The following TRHDE variants were observed in gnomAD, a reference collection of about 807,000 sequenced individuals.
TRHDE encodes thyrotropin-releasing hormone-degrading ectoenzyme.
In TRHDE, 72 loss-of-function variants were observed where a neutral mutation model predicts 125.7. The ratio of observed to expected loss-of-function variants is 0.57; its 90% confidence interval spans 0.47 to 0.70. The LOEUF (loss-of-function observed/expected upper bound fraction) is 0.70, where lower values mean the gene tolerates loss of function less well. TRHDE is among the 30% of genes least tolerant of loss of function. The probability of loss-of-function intolerance (pLI) is 0.00; values close to 1 mark genes in which losing one functional copy is unlikely to be tolerated. For synonymous variants in TRHDE, 509 were observed against 509.1 expected, an observed-to-expected ratio of 1.00 and a Z score of 0.00; for missense variants, 1,110 against 1,327.1, an observed-to-expected ratio of 0.84 and a Z score of 2.54.
intron 2 of TRHDE, among the ~76,000 whole-genome samples, chr12:72,261,733 A>G (rs992035815): frequency 2.2e-4 from 33 of 152,286 alleles, no homozygotes; most frequent in Middle Eastern, 3.4e-3. Flanking sequence ...TTCTTTGGGC[A>G]AGAGCTCTAG....
At chr12:72,332,293 C>A (rs1237138999) in intron 2 of TRHDE, among the ~76,000 whole-genome samples, 1 of 152,188 alleles carries the variant, frequency 6.6e-6, no homozygotes, top group Non-Finnish European at 1.5e-5. Context: ...CACCCGCCAC[C>A]ATGCCTGGCT....
intron 3 of TRHDE, among the ~76,000 whole-genome samples, chr12:72,382,122 T>G (rs531415755): frequency 6.6e-6 from 1 of 152,228 alleles, no homozygotes; most frequent in East Asian, 1.9e-4. Flanking sequence ...GTAGTTGATA[T>G]TAAGGGAACC....
At chr12:72,190,244 C>T (rs898263898) in intron 2 of TRHDE, among the ~76,000 whole-genome samples, 7 of 152,170 alleles carry the variant, frequency 4.6e-5, no homozygotes, top group South Asian at 2.1e-4. Flanking sequence ...AGTGTTACCT[C>T]GCCATCAACC....
Position 72,238,381 on chromosome 12 carries a change from AT to A in TRHDE, n.279+132638del, listed in dbSNP as rs71457042. Among the ~76,000 whole-genome samples, 81 of 82,538 alleles carry A rather than the reference AT, an allele frequency of 9.8e-4. 5 individuals carry two copies. Among genetic ancestry groups the A allele is most frequent in the East Asian group, 3.3e-3 (13 of 3,902 alleles). The allele number at this position is 82,538 out of a possible 152,430, so 54.1% of individuals were successfully genotyped here. On this transcript the variant is annotated intron_variant and non_coding_transcript_variant, in intron 2 of 4. Transcript: ENST00000548156. The stretch of plus-strand genomic sequence containing the variant: ...TATATATACACATACATATATATAT[AT>A]TTTTTTTTAACTTTTTTTGATAAAT...
chr12:72,519,140 C>G (rs1051859967), intron 6 of TRHDE, among the ~76,000 whole-genome samples: 6 of 151,986 alleles, frequency 3.9e-5, no homozygotes, highest in Non-Finnish European at 8.8e-5. Context: ...TTGCTCTTCT[C>G]GAGGAGTATC....
At chr12:72,555,582 A>AAT (rs1869882231) in intron 7 of TRHDE, among the ~76,000 whole-genome samples, 2 of 152,132 alleles carry the variant, frequency 1.3e-5, no homozygotes, top group African/African-American at 4.8e-5. Context: ...ACTCATTTTT[A>AAT]CTTAATCTTA....
At chr12:72,098,530 G>A (rs1482744089) in intron 1 of TRHDE, among the ~76,000 whole-genome samples, 1 of 152,056 alleles carries the variant, frequency 6.6e-6, no homozygotes, top group Non-Finnish European at 1.5e-5. Context: ...GGAATCTTTT[G>A]TTTTATTTCT....
In TRHDE at chr12:72,328,806, G is replaced by A. The variant is rs185868551; in HGVS notation, c.1188+41852G>A. 3.3e-5 allele frequency among the ~76,000 whole-genome samples: 5 copies of A among 151,972 alleles called. No individual in the cohort carries two copies. In the East Asian group the frequency reaches 9.7e-4, roughly 29 times the overall value. On this transcript the variant is annotated intron_variant, in intron 2 of 18. Transcript: ENST00000261180. Reference sequence around the variant, plus strand: ...AGTTTTCAGGTAGCATAATTTCAAGGGATTTTCCTAATTGGCATAATCCTT... The same window carrying A: ...AGTTTTCAGGTAGCATAATTTCAAGAGATTTTCCTAATTGGCATAATCCTT...
chr12:72,447,158 C>A (rs907183290), intron 3 of TRHDE, among the ~76,000 whole-genome samples: 3 of 152,090 alleles, frequency 2.0e-5, no homozygotes, highest in African/African-American at 7.2e-5. Context: ...GAAATTATAA[C>A]AAACTGTCTC....
chr12:72,516,866 T>A (rs1878890725), intron 6 of TRHDE, among the ~76,000 whole-genome samples: 2 of 152,194 alleles, frequency 1.3e-5, no homozygotes, highest in Non-Finnish European at 2.9e-5. Flanking sequence ...CGTTGTTGAA[T>A]TTTGTCAAAG....
chr12:72,563,587 A>C (rs1870288534), intron 9 of TRHDE, among the ~76,000 whole-genome samples: 1 of 152,222 alleles, frequency 6.6e-6, no homozygotes, highest in African/African-American at 2.4e-5. Flanking sequence ...GACAGCATAC[A>C]CAGAATCTTT....
rs926167020 is a variant in TRHDE at position 72,327,072 on chromosome 12, C to CT, written c.1188+40128dup. 6.1e-4 allele frequency among the ~76,000 whole-genome samples: 91 copies of CT among 148,184 alleles called. 1 individual carries two copies. The highest frequency in any genetic ancestry group is 1.9e-3 in the African/African-American group (75 of 40,450). ...ATAAGATCTATTATCAGGTTTTGAT[C>CT]TTTTTTTTTTGGTGTGACTTCCTTG... On this transcript the variant is annotated intron_variant, in intron 2 of 18. Transcript: ENST00000261180.
At chr12:72,613,365 A>C (rs1317315200) in intron 12 of TRHDE, among the ~76,000 whole-genome samples, 1 of 152,184 alleles carries the variant, frequency 6.6e-6, no homozygotes, top group Non-Finnish European at 1.5e-5. Context: ...CAAAAATACA[A>C]ATGTCACTCT....
chr12:72,587,985 C>T (rs1431984660), intron 12 of TRHDE, among the ~76,000 whole-genome samples: 2 of 152,072 alleles, frequency 1.3e-5, no homozygotes, highest in Admixed American at 1.3e-4. Flanking sequence ...GCAAACAAGT[C>T]AGTTTCTGAA....
chr12:72,496,607 A>T (rs1877931228), intron 5 of TRHDE, among the ~76,000 whole-genome samples: 2 of 152,190 alleles, frequency 1.3e-5, no homozygotes, highest in African/African-American at 4.8e-5. Context: ...TTGGGTGGGG[A>T]CACAGAGCCA....
At chr12:72,610,159 G>C (rs1056928496) in intron 12 of TRHDE, among the ~76,000 whole-genome samples, 1 of 151,994 alleles carries the variant, frequency 6.6e-6, no homozygotes, top group Non-Finnish European at 1.5e-5. Flanking sequence ...TTATTTATCC[G>C]TGACCTTCCC....
At chr12:72,150,382 T>G (rs1876330567) in intron 2 of TRHDE, among the ~76,000 whole-genome samples, 1 of 151,806 alleles carries the variant, frequency 6.6e-6, no homozygotes, top group African/African-American at 2.4e-5. Context: ...AGAACAAAAG[T>G]ATGGGTAGTG....
intron 15 of TRHDE, among the ~76,000 whole-genome samples, chr12:72,632,090 A>C (rs988923233): frequency 1.3e-5 from 2 of 152,000 alleles, no homozygotes; most frequent in Non-Finnish European, 1.5e-5. Context: ...GATGTAGCCT[A>C]ATATAATCCA....
chr12:72,480,905 C>T (rs1166214205), intron 5 of TRHDE, among the ~76,000 whole-genome samples: 1 of 152,012 alleles, frequency 6.6e-6, no homozygotes, highest in African/African-American at 2.4e-5. Flanking sequence ...TAATAGTGGC[C>T]ATAGCATATT....
Sources: allele counts gnomAD v4.1 joint callset (sites outside exome capture counted in the v4.1 genomes callset), GRCh38; gene constraint gnomAD v4.1.1; transcripts MANE v1.5; gene names NCBI Gene and HGNC (gene_info 2026-07-23, HGNC 2026-07-21).